The following WDR25 variants were observed in gnomAD, a reference collection of about 807,000 sequenced individuals.
The protein encoded by WDR25 is WD repeat-containing protein 25.
Under a neutral mutation model 47.7 loss-of-function variants are expected in WDR25, and 35 were observed. The ratio of observed to expected loss-of-function variants is 0.73; its 90% confidence interval spans 0.56 to 0.97. The LOEUF (loss-of-function observed/expected upper bound fraction) is 0.97. WDR25 is among the 50% of genes least tolerant of loss of function. The pLI is 0.00. For missense variants in WDR25, 634 were observed against 704.7 expected (o/e 0.90, Z 1.14); for synonymous variants, 248 against 278.9 (o/e 0.89, Z 1.10).
intron 4 of WDR25, among the ~76,000 whole-genome samples, chr14:100,521,104 T>C (rs2029871957): frequency 6.6e-6 from 1 of 152,058 alleles, no homozygotes; most frequent in Non-Finnish European, 1.5e-5. Flanking sequence ...TGTGACCTGT[T>C]TTTATATGGT....
intron 2 of WDR25, among the ~76,000 whole-genome samples, chr14:100,397,462 A>T (rs1191336681): frequency 1.3e-5 from 2 of 152,190 alleles, no homozygotes; most frequent in African/African-American, 4.8e-5. Flanking sequence ...ATCTGTTGTG[A>T]GACTTGGGTG....
At chr14:100,497,340 A>G (rs1179970045) in intron 4 of WDR25, among the ~76,000 whole-genome samples, 2 of 152,144 alleles carry the variant, frequency 1.3e-5, no homozygotes, top group East Asian at 3.9e-4. Flanking sequence ...ATCTCCAGCT[A>G]TAGTTGTGAA....
At chr14:100,486,992 TC>T (rs771948687) in intron 4 of WDR25, among the ~76,000 whole-genome samples, 1 of 152,190 alleles carries the variant, frequency 6.6e-6, no homozygotes, top group Non-Finnish European at 1.5e-5. Flanking sequence ...TGTTTTTTTT[TC>T]CTCTTGTGGT....
At chr14:100,466,364 C>T (rs1899629429) in intron 2 of WDR25, among the ~76,000 whole-genome samples, 1 of 152,224 alleles carries the variant, frequency 6.6e-6, no homozygotes, top group Admixed American at 6.5e-5. Context: ...ATTCTGAGAA[C>T]ATTCGGGACT....
intron 2 of WDR25, among the ~76,000 whole-genome samples, chr14:100,446,969 C>T (rs1447626745): frequency 6.6e-6 from 1 of 152,238 alleles, no homozygotes; most frequent in Non-Finnish European, 1.5e-5. Context: ...ATTATTATCC[C>T]ATCACATGAT....
At chr14:100,517,223 C>G (rs979960727) in intron 4 of WDR25, among the ~76,000 whole-genome samples, 1 of 142,054 alleles carries the variant, frequency 7.0e-6, no homozygotes, top group African/African-American at 2.6e-5. Context: ...TCACGCCATT[C>G]TCCTGCCTCA....
intron 4 of WDR25, among the ~76,000 whole-genome samples, chr14:100,508,033 T>A (rs747577350): frequency 1.4e-4 from 21 of 152,122 alleles, no homozygotes; most frequent in Non-Finnish European, 2.8e-4. Context: ...AACAAAATAC[T>A]AGTGAACCAA....
chr14:100,480,046 T>G (rs1262733876), intron 3 of WDR25, among the ~76,000 whole-genome samples: 1 of 152,236 alleles, frequency 6.6e-6, no homozygotes, highest in East Asian at 1.9e-4. Context: ...GGTCGGGGAC[T>G]GCTTCGTATC....
intron 2 of WDR25, among the ~76,000 whole-genome samples, chr14:100,444,412 G>A (rs1313701418): frequency 2.6e-5 from 4 of 152,208 alleles, no homozygotes; most frequent in Non-Finnish European, 5.9e-5. Context: ...CATCTCTAAA[G>A]CATATAGTGA....
chr14:100,460,407 C>T (rs541423338), intron 2 of WDR25, among the ~76,000 whole-genome samples: 49 of 152,170 alleles, frequency 3.2e-4, no homozygotes, highest in Admixed American at 1.0e-3. Context: ...CCACCGCACC[C>T]GGCTGATACA....
chr14:100,494,803 C>T (rs977041237), intron 4 of WDR25, among the ~76,000 whole-genome samples: 1 of 152,176 alleles, frequency 6.6e-6, no homozygotes, highest in Non-Finnish European at 1.5e-5. Flanking sequence ...TTCCCCTTCC[C>T]CAAGGTCAGC....
intron 2 of WDR25, among the ~76,000 whole-genome samples, chr14:100,399,005 C>G (rs1897318637): frequency 6.6e-6 from 1 of 151,676 alleles, no homozygotes; most frequent in South Asian, 2.1e-4. Flanking sequence ...GCTTAAAGAG[C>G]ACTCACTTAT....
intron 3 of WDR25, among the ~76,000 whole-genome samples, chr14:100,475,173 C>A (rs989236612): frequency 6.6e-6 from 1 of 152,180 alleles, no homozygotes; most frequent in Non-Finnish European, 1.5e-5. Context: ...AAAAGGGAAT[C>A]CTTGTACAAT....
At position 100,407,326 on chromosome 14, in the gene WDR25, A is replaced by AT. The variant is rs1897568611; in HGVS notation, c.822+25581dup. On this transcript the variant is annotated intron_variant, in intron 2 of 6. Coordinates refer to ENST00000402312, the MANE Select transcript of WDR25 (RefSeq NM_001161476.3). This position sits in a 1 kb window ranked among gnomAD's most constrained non-coding sequence, Gnocchi z 4.1. ...CCCCCCTGTTTACTCTCAGGCTCAC[A>AT]TACCTCTCAGAGTCCAGGAGGCAGT... 1 of 152,144 alleles carries AT rather than the reference A, an allele frequency of 6.6e-6. No individual in the cohort carries two copies. The highest frequency in any genetic ancestry group is 1.5e-5 in the Non-Finnish European group (1 of 68,038). 9.4% of individuals were successfully genotyped at this position (152,144 alleles called of 1,614,324 possible).
At chr14:100,452,425 A>G (rs1188084080) in intron 2 of WDR25, among the ~76,000 whole-genome samples, 1 of 152,274 alleles carries the variant, frequency 6.6e-6, no homozygotes, top group Non-Finnish European at 1.5e-5. Flanking sequence ...AAAGCTTTGA[A>G]GAAAAGTAGA....
In WDR25 at chr14:100,392,923, C is replaced by G. The variant is rs2140156428; in HGVS notation, c.822+11177C>G. ...CAAAGGGTTGTACATTTTCATGGGTCCAGATACGTCTCTTGTCAGATTGCT... is the reference window on the plus strand; with the variant it reads ...CAAAGGGTTGTACATTTTCATGGGTGCAGATACGTCTCTTGTCAGATTGCT... On this transcript the variant is annotated intron_variant, in intron 2 of 6. Coordinates refer to ENST00000402312, the MANE Select transcript of WDR25 (RefSeq NM_001161476.3). The surrounding 1 kb of genome is among the most constrained non-coding windows in gnomAD (Gnocchi z 4.2). Among the ~76,000 whole-genome samples the G allele has an allele frequency of 6.6e-6, 1 of 152,340 alleles. No homozygotes were observed. Among genetic ancestry groups the G allele is most frequent in the East Asian group, 1.9e-4 (1 of 5,190 alleles).
In WDR25 at chr14:100,381,252, A is replaced by G. The variant is rs763191097; in HGVS notation, c.328A>G (p.Lys110Glu). Residue 110 changes from lysine (K) to glutamate (E), a missense_variant, in exon 2 of 7, where the codon AAA becomes GAA. Transcript: ENST00000402312. ...GKEPQVTFPI[K>E]EPSCSSLWTS... ...GGAGCCTCAAGTCACCTTCCCCATC[A>G]AAGAGCCTTCTTGTTCTTCTCTGTG... 2 of 1,613,892 alleles carry G rather than the reference A, an allele frequency of 1.2e-6. No homozygotes were observed. Among genetic ancestry groups the G allele is most frequent in the South Asian group, 2.2e-5 (2 of 91,054 alleles).
At chr14:100,490,248 G>C (rs1833267938) in intron 4 of WDR25, among the ~76,000 whole-genome samples, 1 of 152,162 alleles carries the variant, frequency 6.6e-6, no homozygotes, top group Non-Finnish European at 1.5e-5. Flanking sequence ...ATTTACCATG[G>C]TATTCCCAGC....
intron 4 of WDR25, among the ~76,000 whole-genome samples, chr14:100,491,616 A>G (rs1381226230): frequency 6.6e-6 from 1 of 152,228 alleles, no homozygotes; most frequent in Non-Finnish European, 1.5e-5. Flanking sequence ...TCACGCAATG[A>G]CAAAATCGCC....
Sources: gnomAD v4.1 joint callset for allele counts (sites outside exome capture counted in the v4.1 genomes callset) on GRCh38, gnomAD v4.1.1 for gene constraint, Gnocchi (gnomAD v3.1) non-coding constraint, MANE v1.5 for transcripts, NCBI Gene and HGNC (gene_info 2026-07-23, HGNC 2026-07-21) for gene names.